The following SNTG1 variants were observed in gnomAD, a reference collection of about 807,000 sequenced individuals.
The protein encoded by SNTG1 is syntrophin gamma 1.
A neutral mutation model predicts 74.7 loss-of-function variants in SNTG1; 39 were observed. The ratio of observed to expected loss-of-function variants is 0.52; its 90% CI spans 0.40 to 0.68. SNTG1 has a LOEUF of 0.68. Ranked by LOEUF, SNTG1 falls within the 30% of genes least tolerant of loss-of-function variation. The pLI is 0.00. For synonymous variants in SNTG1, 254 were observed against 217.1 expected, an observed-to-expected ratio of 1.17 and a Z score of -1.49; for missense variants, 685 against 609.5, an observed-to-expected ratio of 1.12 and a Z score of -1.30.
intron 1 of SNTG1, among the ~76,000 whole-genome samples, chr8:50,038,891 A>G (rs1333163377): frequency 2.0e-5 from 3 of 152,260 alleles, no homozygotes; most frequent in African/African-American, 7.2e-5. Context: ...ACTTTGGTTA[A>G]TCAGGTGTTG....
At chr8:50,204,397 G>A (rs1324453757) in intron 2 of SNTG1, among the ~76,000 whole-genome samples, 1 of 151,914 alleles carries the variant, frequency 6.6e-6, no homozygotes, top group Non-Finnish European at 1.5e-5. Context: ...ATGATTTTCT[G>A]TCTTTTCCTT....
chr8:50,557,093 C>A (rs569017689), intron 12 of SNTG1, among the ~76,000 whole-genome samples: 1 of 152,120 alleles, frequency 6.6e-6, no homozygotes, highest in East Asian at 2.0e-4. Context: ...GCCCTTTCTG[C>A]CCTGGAAAGT....
chr8:50,194,827 A>C (rs1472394605), intron 2 of SNTG1, among the ~76,000 whole-genome samples: 2 of 151,864 alleles, frequency 1.3e-5, no homozygotes, highest in African/African-American at 2.4e-5. Flanking sequence ...TCCTCTTGGC[A>C]CCGCCTTTGC....
chr8:50,763,109 C>G (rs2095603665), intron 18 of SNTG1, among the ~76,000 whole-genome samples: 3 of 151,744 alleles, frequency 2.0e-5, no homozygotes, highest in African/African-American at 7.2e-5. Context: ...GAGGTTTTTA[C>G]TCAGTGATTT....
At chr8:50,246,737 G>A (rs1001356530) in intron 2 of SNTG1, among the ~76,000 whole-genome samples, 2 of 152,026 alleles carry the variant, frequency 1.3e-5, no homozygotes, top group Non-Finnish European at 2.9e-5. Context: ...TCTCATGGTA[G>A]GAAGATATCA....
intron 1 of SNTG1, among the ~76,000 whole-genome samples, chr8:50,037,794 A>G (rs1818287357): frequency 6.6e-6 from 1 of 152,220 alleles, no homozygotes; most frequent in Admixed American, 6.5e-5. Flanking sequence ...GCAATAAGCC[A>G]GGGATATGGT....
At chr8:50,378,946 T>TC (rs778559138) in intron 2 of SNTG1, among the ~76,000 whole-genome samples, 1 of 151,994 alleles carries the variant, frequency 6.6e-6, no homozygotes, top group Non-Finnish European at 1.5e-5. Context: ...TGACAGCCTG[T>TC]CCCCCAGCCT....
intron 2 of SNTG1, among the ~76,000 whole-genome samples, chr8:50,196,468 T>C (rs2083772216): frequency 6.6e-6 from 1 of 152,200 alleles, no homozygotes. Flanking sequence ...TTAAGCCGTG[T>C]CTACTTTTAC....
At chr8:50,784,677 A>G (rs971107351) in intron 18 of SNTG1, among the ~76,000 whole-genome samples, 1 of 152,168 alleles carries the variant, frequency 6.6e-6, no homozygotes, top group Non-Finnish European at 1.5e-5. Context: ...ATGATAGGCA[A>G]CCAGACATGT....
intron 1 of SNTG1, among the ~76,000 whole-genome samples, chr8:49,927,756 C>T (rs553895108): frequency 2.6e-5 from 4 of 152,004 alleles, no homozygotes; most frequent in Admixed American, 6.6e-5. Context: ...TAATAGTGGA[C>T]AAAAGTCATT....
intron 13 of SNTG1, among the ~76,000 whole-genome samples, chr8:50,619,434 C>A (rs77515151): frequency 0.043 from 6,486 of 152,112 alleles, 245 homozygotes; most frequent in African/African-American, 0.094. Flanking sequence ...CCATTATAAG[C>A]TACATGGCTC....
Position 50,120,062 on chromosome 8 carries a change from C to T in SNTG1, c.-102-52499C>T, listed in dbSNP as rs920746857. Among the ~76,000 whole-genome samples the T allele has an allele frequency of 3.5e-5, 5 of 141,726 alleles. 1 individual carries two copies. Among genetic ancestry groups the T allele is most frequent in the Admixed American group, 2.9e-4 (4 of 13,708 alleles). 93.0% of individuals were successfully genotyped at this position (141,726 alleles called of 152,430 possible). A position where few individuals can be genotyped will look rare whatever the true frequency, so the allele number is the denominator to read the frequency against. On this transcript the variant is annotated intron_variant, in intron 1 of 18. Transcript: ENST00000642720. ...CAGTCTTCCTGAGTTAAAAATGTAG[C>T]TTTGCCATTTACCTTGGACACATTG...
intron 1 of SNTG1, among the ~76,000 whole-genome samples, chr8:49,969,355 CA>C (rs1400384585): frequency 3.5e-5 from 5 of 143,692 alleles, no homozygotes; most frequent in Admixed American, 6.9e-5. Flanking sequence ...CAAAAATTCT[CA>C]AAAGCAAATA....
In SNTG1 at chr8:50,316,846, G is replaced by A. The variant is rs142019779; in HGVS notation, c.-27-77366G>A. On this transcript the variant is annotated intron_variant, in intron 2 of 18. Transcript: ENST00000642720. ...AAGCACTGTGCTGAAATTTACATACGCCAAAATTCCAGTAATAGTGGAACA... is the reference window on the plus strand; with the variant it reads ...AAGCACTGTGCTGAAATTTACATACACCAAAATTCCAGTAATAGTGGAACA... Among the ~76,000 whole-genome samples, 251 of 152,142 alleles carry A rather than the reference G, an allele frequency of 1.6e-3. 2 individuals carry two copies. The highest frequency in any genetic ancestry group is 0.014 in the Middle Eastern group (4 of 294).
intron 4 of SNTG1, among the ~76,000 whole-genome samples, chr8:50,430,756 A>T (rs1461342947): frequency 6.6e-6 from 1 of 152,182 alleles, no homozygotes; most frequent in Non-Finnish European, 1.5e-5. Flanking sequence ...CTCCAGCAAG[A>T]CATTTAAATG....
At chr8:49,985,566 A>G (rs561926993) in intron 1 of SNTG1, among the ~76,000 whole-genome samples, 1 of 152,278 alleles carries the variant, frequency 6.6e-6, no homozygotes, top group South Asian at 2.1e-4. Context: ...GACAATAGAA[A>G]TTTTTTTATC....
chr8:50,691,439 G>A (rs2095378825), intron 15 of SNTG1, among the ~76,000 whole-genome samples: 2 of 152,138 alleles, frequency 1.3e-5, no homozygotes, highest in Admixed American at 1.3e-4. Flanking sequence ...TTTAGTGCAG[G>A]CCTGGTGGTG....
rs182674663 is a variant in SNTG1 at position 50,741,008 on chromosome 8, A to T, written c.1285-10993A>T. On this transcript the variant is annotated intron_variant, in intron 17 of 18. Coordinates refer to ENST00000642720, the MANE Select transcript of SNTG1 (RefSeq NM_018967.5). ...CTATCAGAGGACGGAGGTTTGGAGAAGGGAGAAGAGCAGGAAAAATAACTA... is the reference window on the plus strand; with the variant it reads ...CTATCAGAGGACGGAGGTTTGGAGATGGGAGAAGAGCAGGAAAAATAACTA... 2.8e-4 allele frequency among the ~76,000 whole-genome samples: 42 copies of T among 152,214 alleles called. 1 individual carries two copies. The East Asian group carries it at 4.5e-3, about 16-fold the overall frequency.
At chr8:50,445,669 C>T (rs1400126654) in intron 5 of SNTG1, among the ~76,000 whole-genome samples, 3 of 152,144 alleles carry the variant, frequency 2.0e-5, no homozygotes, top group Non-Finnish European at 2.9e-5. Flanking sequence ...AGAACACTGC[C>T]TTCCTTTTCC....
Sources: gnomAD v4.1 joint callset for allele counts (sites outside exome capture counted in the v4.1 genomes callset) on GRCh38, gnomAD v4.1.1 for gene constraint, MANE v1.5 for transcripts, NCBI Gene and HGNC (gene_info 2026-07-23, HGNC 2026-07-21) for gene names.